The following MARCHF1 variants were observed in gnomAD, a reference collection of about 807,000 sequenced individuals.
MARCHF1 encodes membrane associated ring-CH-type finger 1.
A neutral mutation model predicts 54.2 loss-of-function variants in MARCHF1; 40 were observed. That is an observed-to-expected ratio of 0.74 (90% CI 0.57 to 0.96). The LOEUF is 0.96. Among genes scored for constraint, MARCHF1 ranks in the 40% least tolerant of loss-of-function variants. The pLI is 0.00. For synonymous variants in MARCHF1, 236 were observed against 236.3 expected (o/e 1.00, Z 0.01); for missense variants, 586 against 656.5 (o/e 0.89, Z 1.17).
intron 8 of MARCHF1, among the ~76,000 whole-genome samples, chr4:163,570,246 A>C (rs2110750053): frequency 6.6e-6 from 1 of 152,218 alleles, no homozygotes; most frequent in South Asian, 2.1e-4. Context: ...TGTTGGCCTT[A>C]AAGTGGATTC....
chr4:163,835,956 T>A (rs1297039300), intron 4 of MARCHF1, among the ~76,000 whole-genome samples: 1 of 152,122 alleles, frequency 6.6e-6, no homozygotes, highest in African/African-American at 2.4e-5. Context: ...TCTCCAGCTC[T>A]AGATAAGGAA....
intron 3 of MARCHF1, among the ~76,000 whole-genome samples, chr4:163,988,022 G>C (rs1290408735): frequency 2.0e-5 from 3 of 152,160 alleles, no homozygotes; most frequent in Non-Finnish European, 4.4e-5. Flanking sequence ...ATCTTATGAG[G>C]CTCTAACTCA....
chr4:163,697,750 T>G (rs1744681427), intron 5 of MARCHF1, among the ~76,000 whole-genome samples: 1 of 152,202 alleles, frequency 6.6e-6, no homozygotes, highest in African/African-American at 2.4e-5. Flanking sequence ...ATACTATTAC[T>G]GACATAAGAC....
At chr4:163,987,940 A>G (rs1478733803) in intron 3 of MARCHF1, among the ~76,000 whole-genome samples, 1 of 152,226 alleles carries the variant, frequency 6.6e-6, no homozygotes, top group African/African-American at 2.4e-5. Flanking sequence ...ATGAGGAACA[A>G]AATATAAATG....
At chr4:163,688,736 A>G (rs1744350143) in intron 5 of MARCHF1, among the ~76,000 whole-genome samples, 1 of 152,174 alleles carries the variant, frequency 6.6e-6, no homozygotes, top group Non-Finnish European at 1.5e-5. Context: ...ATCAGTAGAG[A>G]GCATTCATTC....
At position 163,528,511 on chromosome 4, in the gene MARCHF1, C is replaced by T. The variant is rs1738219975; in HGVS notation, c.*237G>A. On this transcript the variant is annotated 3_prime_UTR_variant, in exon 10 of 10. Transcript: ENST00000514618. ...GTTCTTAATTGTCTTGGAAATCATTCTCTTGCAAACTTCACATTTCCATAT... is the reference window on the plus strand; with the variant it reads ...GTTCTTAATTGTCTTGGAAATCATTTTCTTGCAAACTTCACATTTCCATAT... The T allele has an allele frequency of 2.2e-6, 1 of 464,472 alleles. No individual in the cohort carries two copies. The highest frequency in any genetic ancestry group is 3.8e-5 in the Admixed American group (1 of 26,210). 28.8% of individuals were successfully genotyped at this position (464,472 alleles called of 1,614,324 possible).
intron 3 of MARCHF1, among the ~76,000 whole-genome samples, chr4:163,887,948 G>T (rs1228174219): frequency 6.6e-6 from 1 of 151,958 alleles, no homozygotes; most frequent in African/African-American, 2.4e-5. Context: ...TTGCCTATTG[G>T]TCTCTTATTT....
chr4:163,883,347 A>T (rs368400827), intron 3 of MARCHF1, among the ~76,000 whole-genome samples: 14 of 138,288 alleles, frequency 1.0e-4, no homozygotes, highest in South Asian at 2.3e-4. Flanking sequence ...CTACGGATGT[A>T]TTTTTTTTTT....
At chr4:163,651,706 C>G (rs1742973250) in intron 5 of MARCHF1, among the ~76,000 whole-genome samples, 1 of 151,746 alleles carries the variant, frequency 6.6e-6, no homozygotes. Context: ...TGATGTCTTT[C>G]CCTTTACACT....
chr4:163,766,363 C>G (rs1393016046), intron 4 of MARCHF1, among the ~76,000 whole-genome samples: 1 of 152,036 alleles, frequency 6.6e-6, no homozygotes, highest in African/African-American at 2.4e-5. Context: ...GCTTCACTCC[C>G]TCAATTCTCC....
At chr4:164,121,832 A>G (rs1401165921) in intron 1 of MARCHF1, among the ~76,000 whole-genome samples, 1 of 152,174 alleles carries the variant, frequency 6.6e-6, no homozygotes, top group African/African-American at 2.4e-5. Context: ...ATTACTTCCA[A>G]ATTCACTCTA....
chr4:164,330,531 G>A (rs182381419), intron 1 of MARCHF1, among the ~76,000 whole-genome samples: 1 of 152,018 alleles, frequency 6.6e-6, no homozygotes. Flanking sequence ...GCAAACTTTG[G>A]GATTATTAAG....
chr4:164,261,766 AT>A lies in MARCHF1; in HGVS notation c.-323+122103del, dbSNP rs565978458. 1.4e-4 allele frequency among the ~76,000 whole-genome samples: 22 copies of A among 151,968 alleles called. 1 individual carries two copies. The South Asian group carries it at 3.5e-3, about 24-fold the overall frequency. On this transcript the variant is annotated intron_variant, in intron 1 of 9. Transcript: ENST00000514618. ...AAGCCTTCTTTACACACTGTATTTT[AT>A]TTTTTCATGGTTCCTATAACAACCT...
In MARCHF1 at chr4:163,528,507, C is replaced by A; in HGVS notation, c.*241G>T. On this transcript the variant is annotated 3_prime_UTR_variant, in exon 10 of 10. Transcript: ENST00000514618. ...AGTAGTTCTTAATTGTCTTGGAAAT[C>A]ATTCTCTTGCAAACTTCACATTTCC... The A allele has an allele frequency of 2.2e-6, 1 of 460,622 alleles. No individual in the cohort carries two copies. The allele number at this position is 460,622 out of a possible 1,614,324, so 28.5% of individuals were successfully genotyped here.
chr4:163,799,442 T>C (rs2110967553), intron 4 of MARCHF1, among the ~76,000 whole-genome samples: 1 of 152,264 alleles, frequency 6.6e-6, no homozygotes, highest in South Asian at 2.1e-4. Flanking sequence ...TTCAAATACT[T>C]GAAAGGCAAG....
chr4:163,683,827 T>C (rs375474274), intron 5 of MARCHF1, among the ~76,000 whole-genome samples: 1 of 152,266 alleles, frequency 6.6e-6, no homozygotes, highest in East Asian at 1.9e-4. Context: ...AAGATAATCC[T>C]TGGGGCTCTG....
chr4:164,019,953 A>G (rs576123706), intron 2 of MARCHF1, among the ~76,000 whole-genome samples: 28 of 152,304 alleles, frequency 1.8e-4, no homozygotes, highest in East Asian at 7.7e-4. Context: ...AGATTACGGC[A>G]AAAACAGGCA....
chr4:163,722,921 T>C (rs1263172607), intron 4 of MARCHF1, among the ~76,000 whole-genome samples: 2 of 152,234 alleles, frequency 1.3e-5, no homozygotes, highest in African/African-American at 4.8e-5. Flanking sequence ...TGTGTGTCTC[T>C]GCAAGTGAGA....
intron 4 of MARCHF1, among the ~76,000 whole-genome samples, chr4:163,727,768 G>A (rs1185867416): frequency 6.6e-6 from 1 of 152,002 alleles, no homozygotes; most frequent in Non-Finnish European, 1.5e-5. Context: ...AACCTCCTGG[G>A]CTCAAATGAT....
Sources: gnomAD v4.1 joint callset for allele counts (sites outside exome capture counted in the v4.1 genomes callset) on GRCh38, gnomAD v4.1.1 for gene constraint, MANE v1.5 for transcripts, NCBI Gene and HGNC (gene_info 2026-07-23, HGNC 2026-07-21) for gene names.